Variants in GREM2 observed in about 807,000 individuals in gnomAD.
GREM2 encodes the protein gremlin 2, DAN family BMP antagonist.
GREM2 carries 11 observed loss-of-function variants against 14.2 expected under a neutral mutation model. That is an observed-to-expected ratio of 0.78 (90% CI 0.49 to 1.28). The LOEUF is 1.28. Among genes scored for constraint, GREM2 ranks in the 50% most tolerant of loss-of-function variants. GREM2 has a pLI of 0.00. For missense variants in GREM2, 210 were observed against 218.5 expected (o/e 0.96, Z 0.24); for synonymous variants, 98 against 97.6 (o/e 1.00, Z -0.02).
At chr1:240,506,676 T>A (rs778806028) in intron 1 of GREM2, among the ~76,000 whole-genome samples, 4 of 152,230 alleles carry the variant, frequency 2.6e-5, no homozygotes, top group Non-Finnish European at 5.9e-5. Flanking sequence ...GGCAGCACTT[T>A]TGTTAAAGTT....
chr1:240,546,868 C>T (rs1280045207), intron 1 of GREM2, among the ~76,000 whole-genome samples: 1 of 142,026 alleles, frequency 7.0e-6, no homozygotes, highest in East Asian at 2.0e-4. Context: ...GGGCTTATCA[C>T]TTAGTAAAAA....
At chr1:240,501,976 ATT>A (rs546087900) in intron 1 of GREM2, among the ~76,000 whole-genome samples, 3 of 150,608 alleles carry the variant, frequency 2.0e-5, no homozygotes, top group Non-Finnish European at 4.4e-5. Context: ...GTACCTAAAT[ATT>A]TTTTTTTTCA....
chr1:240,521,628 G>T (rs551005347), intron 1 of GREM2, among the ~76,000 whole-genome samples: 2 of 152,154 alleles, frequency 1.3e-5, no homozygotes, highest in Middle Eastern at 3.4e-3. Context: ...CAAAGGAAGC[G>T]CAAATGGGGA....
At chr1:240,507,944 T>C (rs1376047760) in intron 1 of GREM2, among the ~76,000 whole-genome samples, 2 of 152,100 alleles carry the variant, frequency 1.3e-5, no homozygotes, top group Non-Finnish European at 2.9e-5. Flanking sequence ...GTAAATGAAA[T>C]AACTAGAGAG....
At chr1:240,526,098 T>G (rs1265508877) in intron 1 of GREM2, among the ~76,000 whole-genome samples, 1 of 152,112 alleles carries the variant, frequency 6.6e-6, no homozygotes, top group African/African-American at 2.4e-5. Context: ...CGGGATAATC[T>G]CTCCATCTGA....
intron 1 of GREM2, among the ~76,000 whole-genome samples, chr1:240,521,516 A>G (rs1678095954): frequency 6.6e-6 from 1 of 152,022 alleles, no homozygotes; most frequent in African/African-American, 2.4e-5. Context: ...GCTTACAGTG[A>G]GCCGAGATGG....
intron 1 of GREM2, among the ~76,000 whole-genome samples, chr1:240,603,416 G>A (rs1679965993): frequency 6.6e-6 from 1 of 152,084 alleles, no homozygotes; most frequent in Non-Finnish European, 1.5e-5. Context: ...AAGAGCCTCA[G>A]TGTTGGGTTT....
chr1:240,568,534 T>C (rs1431379968), intron 1 of GREM2, among the ~76,000 whole-genome samples: 1 of 152,096 alleles, frequency 6.6e-6, no homozygotes, highest in African/African-American at 2.4e-5. Flanking sequence ...AAAAGAAAGA[T>C]CTTTCTAGAT....
At chr1:240,558,524 G>C (rs926429003) in intron 1 of GREM2, among the ~76,000 whole-genome samples, 1 of 152,028 alleles carries the variant, frequency 6.6e-6, no homozygotes, top group Non-Finnish European at 1.5e-5. Flanking sequence ...CATAAAAATG[G>C]CAGACGGAGG....
chr1:240,610,939 G>A (rs998756552), intron 1 of GREM2, among the ~76,000 whole-genome samples: 5 of 152,078 alleles, frequency 3.3e-5, no homozygotes, highest in African/African-American at 1.2e-4. Flanking sequence ...AGGAAAGACT[G>A]AACTCATTAA....
chr1:240,595,144 G>A (rs577287367), intron 1 of GREM2, among the ~76,000 whole-genome samples: 8 of 152,126 alleles, frequency 5.3e-5, no homozygotes, highest in Non-Finnish European at 7.3e-5. Flanking sequence ...CCAGCACTTC[G>A]GGAGGCCGAG....
At chr1:240,563,132 T>G (rs1201564952) in intron 1 of GREM2, among the ~76,000 whole-genome samples, 1 of 147,672 alleles carries the variant, frequency 6.8e-6, no homozygotes, top group East Asian at 1.9e-4. Flanking sequence ...AGTGTGTATG[T>G]GTATGTGTGT....
intron 1 of GREM2, among the ~76,000 whole-genome samples, chr1:240,538,238 C>T (rs566412693): frequency 6.6e-6 from 1 of 152,196 alleles, no homozygotes; most frequent in Non-Finnish European, 1.5e-5. Flanking sequence ...TGACTGGTGG[C>T]TTTGTCTTGA....
At chr1:240,518,107 G>A (rs1470572325) in intron 1 of GREM2, among the ~76,000 whole-genome samples, 5 of 152,290 alleles carry the variant, frequency 3.3e-5, no homozygotes, top group South Asian at 2.1e-4. Context: ...AACATCGTAC[G>A]AAGCAGCAGG....
At chr1:240,578,318 G>A (rs1165669891) in intron 1 of GREM2, among the ~76,000 whole-genome samples, 1 of 151,952 alleles carries the variant, frequency 6.6e-6, no homozygotes, top group African/African-American at 2.4e-5. Flanking sequence ...TAGAGATGGG[G>A]TTTTACCGTG....
intron 1 of GREM2, among the ~76,000 whole-genome samples, chr1:240,593,986 C>T (rs1242143811): frequency 3.3e-5 from 5 of 152,036 alleles, no homozygotes; most frequent in East Asian, 1.9e-4. Flanking sequence ...CAGGGTCTCA[C>T]TCTGTTTCCT....
intron 1 of GREM2, among the ~76,000 whole-genome samples, chr1:240,601,709 C>G (rs1679928347): frequency 6.6e-6 from 1 of 152,068 alleles, no homozygotes; most frequent in African/African-American, 2.4e-5. Flanking sequence ...GAGTTCGAGA[C>G]CAGCCTGGCC....
At position 240,609,897 on chromosome 1, in the gene GREM2, C is replaced by G. The variant is rs368471667; in HGVS notation, c.-2+1987G>C. 1.2e-4 allele frequency among the ~76,000 whole-genome samples: 18 copies of G among 151,432 alleles called. 1 individual carries two copies. The highest frequency in any genetic ancestry group is 3.5e-3 in the Middle Eastern group (1 of 288). On this transcript the variant is annotated intron_variant, in intron 1 of 1. Coordinates refer to ENST00000318160, the MANE Select transcript of GREM2 (RefSeq NM_022469.4). The stretch of plus-strand genomic sequence containing the variant: ...TTTAAACTTTACCAAACTTATAACT[C>G]GAGGGTATGTAAAGCTCTGGCTGGC...
At chr1:240,604,706 C>G (rs1234777512) in intron 1 of GREM2, among the ~76,000 whole-genome samples, 4 of 152,132 alleles carry the variant, frequency 2.6e-5, no homozygotes, top group Admixed American at 2.6e-4. Flanking sequence ...GCCTATAATC[C>G]CAGCACTTTG....
Sources: allele counts gnomAD v4.1 joint callset (sites outside exome capture counted in the v4.1 genomes callset), GRCh38; gene constraint gnomAD v4.1.1; transcripts MANE v1.5; gene names NCBI Gene and HGNC (gene_info 2026-07-23, HGNC 2026-07-21).